The following SCNN1B variants were observed in gnomAD, a reference collection of about 807,000 sequenced individuals.
SCNN1B encodes epithelial sodium channel subunit beta.
Under a neutral mutation model 65.3 loss-of-function variants are expected in SCNN1B, and 46 were observed. The ratio of observed to expected loss-of-function variants is 0.70; its 90% confidence interval spans 0.56 to 0.90. The LOEUF is 0.90. Among genes scored for constraint, SCNN1B ranks in the 40% least tolerant of loss-of-function variants. The pLI, the probability that SCNN1B is intolerant of heterozygous loss-of-function variation, is 0.00. For missense variants in SCNN1B, 751 were observed against 830.5 expected, an observed-to-expected ratio of 0.90 and a Z score of 1.18; for synonymous variants, 349 against 330.6, an observed-to-expected ratio of 1.06 and a Z score of -0.60.
At chr16:23,309,247 G>C (rs1485313945) in intron 1 of SCNN1B, among the ~76,000 whole-genome samples, 2 of 152,052 alleles carry the variant, frequency 1.3e-5, no homozygotes, top group Non-Finnish European at 2.9e-5. Flanking sequence ...GCCCCCACCT[G>C]AGGGCCTGGG....
At chr16:23,334,586 T>A (rs1961897786) in intron 1 of SCNN1B, among the ~76,000 whole-genome samples, 1 of 152,236 alleles carries the variant, frequency 6.6e-6, no homozygotes. Flanking sequence ...TGCCTTAACC[T>A]GCAGCAGCTG....
At chr16:23,335,482 G>T (rs1303993950) in intron 1 of SCNN1B, among the ~76,000 whole-genome samples, 1 of 138,540 alleles carries the variant, frequency 7.2e-6, no homozygotes, top group Non-Finnish European at 1.5e-5. Flanking sequence ...TTTAGATGGA[G>T]TTTCTCTCTG....
rs531602832 is a variant in SCNN1B at position 23,317,338 on chromosome 16, G to A, written c.-9+14901G>A. On this transcript the variant is annotated intron_variant, in intron 1 of 12. Transcript: ENST00000343070. ...CGGCAGCAGTTAAGGGAATCACTCA[G>A]GGTGTCTGGTTGGTAGTTCCCAGCA... 2.6e-5 allele frequency among the ~76,000 whole-genome samples: 4 copies of A among 152,334 alleles called. No homozygotes were observed. In the South Asian group the frequency reaches 8.3e-4, roughly 32 times the overall value.
At chr16:23,289,199 A>C (rs1388491472) in intron 2 of SCNN1B, among the ~76,000 whole-genome samples, 1 of 152,014 alleles carries the variant, frequency 6.6e-6, no homozygotes, top group Non-Finnish European at 1.5e-5. Context: ...GAGGAGTGTC[A>C]CTCTGTTTCT....
rs534826077 is a variant in SCNN1B at position 23,294,632 on chromosome 16, C to A, written n.178+10828C>A. Among the ~76,000 whole-genome samples the A allele has an allele frequency of 2.6e-5, 4 of 152,288 alleles. No individual in the cohort carries two copies. The East Asian group carries it at 5.8e-4, about 22-fold the overall frequency. On this transcript the variant is annotated intron_variant and non_coding_transcript_variant, in intron 2 of 3. Coordinates refer to the SCNN1B transcript ENST00000569789. The stretch of plus-strand genomic sequence containing the variant: ...TGTACATTCTTCTTCCAGATATCTG[C>A]AGAGCCAACCTCCATACCTCCTTTA...
At chr16:23,295,554 G>T (rs1052268741) in intron 2 of SCNN1B, among the ~76,000 whole-genome samples, 1 of 150,560 alleles carries the variant, frequency 6.6e-6, no homozygotes, top group Non-Finnish European at 1.5e-5. Flanking sequence ...GTCTCACTTT[G>T]TTGCCCAGAC....
intron 1 of SCNN1B, among the ~76,000 whole-genome samples, chr16:23,343,632 A>AAAG (rs1962121040): frequency 7.6e-6 from 1 of 131,734 alleles, no homozygotes. Context: ...AGAAAGAAAG[A>AAAG]AAGAAAGAAA....
chr16:23,379,238 TC>T (rs1962984431), intron 11 of SCNN1B, among the ~76,000 whole-genome samples: 1 of 149,040 alleles, frequency 6.7e-6, no homozygotes, highest in Admixed American at 6.6e-5. Flanking sequence ...CACCCAGCCA[TC>T]CTCCGTTTAT....
At chr16:23,304,167 T>C in intron 1 of SCNN1B, 1 of 1,305,366 alleles carries the variant, frequency 7.7e-7, no homozygotes, top group Non-Finnish European at 1.1e-6. Context: ...TTATTTTTCT[T>C]TATCCTAAAC....
chr16:23,361,727 GC>G (rs1457111541), intron 4 of SCNN1B, among the ~76,000 whole-genome samples: 1 of 152,116 alleles, frequency 6.6e-6, no homozygotes, highest in East Asian at 1.9e-4. Flanking sequence ...ACTACAGGAT[GC>G]CCCCGCCCTA....
intron 1 of SCNN1B, among the ~76,000 whole-genome samples, chr16:23,281,481 C>T (rs932541185): frequency 2.0e-5 from 3 of 152,110 alleles, no homozygotes; most frequent in South Asian, 4.2e-4. Flanking sequence ...GACTCTGGTA[C>T]ATAACAGCTG....
At chr16:23,335,550 C>A (rs967813235) in intron 1 of SCNN1B, among the ~76,000 whole-genome samples, 1 of 151,000 alleles carries the variant, frequency 6.6e-6, no homozygotes, top group African/African-American at 2.4e-5. Flanking sequence ...CAGGTTCAAG[C>A]GATTCTCCTG....
intron 1 of SCNN1B, among the ~76,000 whole-genome samples, chr16:23,329,549 C>A (rs1480644764): frequency 6.6e-6 from 1 of 152,134 alleles, no homozygotes; most frequent in African/African-American, 2.4e-5. Context: ...TTTTAAGCAC[C>A]CTCGGAGGTA....
At chr16:23,314,509 G>T (rs1034400440) in intron 1 of SCNN1B, among the ~76,000 whole-genome samples, 6 of 152,102 alleles carry the variant, frequency 3.9e-5, no homozygotes, top group African/African-American at 1.2e-4. Context: ...CTAGCAAATG[G>T]TGTGTCTGGG....
At chr16:23,299,383 A>G (rs1165128904), upstream of SCNN1B, among the ~76,000 whole-genome samples, 1 of 152,140 alleles carries the variant, frequency 6.6e-6, no homozygotes, top group Non-Finnish European at 1.5e-5. Flanking sequence ...TCATAGGTCA[A>G]TAATAGTCAA....
intron 1 of SCNN1B, among the ~76,000 whole-genome samples, chr16:23,282,283 G>C (rs1202820870): frequency 1.3e-5 from 2 of 152,084 alleles, no homozygotes; most frequent in African/African-American, 4.8e-5. Context: ...CCAAAATGAG[G>C]GGGAAGAACA....
intron 11 of SCNN1B, among the ~76,000 whole-genome samples, chr16:23,379,136 A>G (rs1044643314): frequency 7.7e-6 from 1 of 129,068 alleles, no homozygotes; most frequent in Non-Finnish European, 1.7e-5. Flanking sequence ...GCCATCCTCC[A>G]CTCATTCATC....
chr16:23,373,699 C>T (rs1366277931), intron 7 of SCNN1B, among the ~76,000 whole-genome samples: 2 of 152,228 alleles, frequency 1.3e-5, no homozygotes, highest in African/African-American at 4.8e-5. Context: ...GCATGGTTTG[C>T]CCTTTCCCCG....
intron 1 of SCNN1B, among the ~76,000 whole-genome samples, chr16:23,282,168 A>G (rs757554515): frequency 1.2e-4 from 19 of 152,182 alleles, no homozygotes; most frequent in Non-Finnish European, 2.8e-4. Context: ...AGATTTCACC[A>G]CTACACACTA....
Sources: gnomAD v4.1 joint callset for allele counts (sites outside exome capture counted in the v4.1 genomes callset) on GRCh38, gnomAD v4.1.1 for gene constraint, MANE v1.5 for transcripts, NCBI Gene and HGNC (gene_info 2026-07-23, HGNC 2026-07-21) for gene names.